ANKRD55: variants seen among roughly 807,000 people sequenced by gnomAD.
The protein encoded by ANKRD55 is ankyrin repeat domain-containing protein 55.
A neutral mutation model predicts 60.6 loss-of-function variants in ANKRD55; 41 were observed. The observed-to-expected ratio is 0.68, with a 90% CI of 0.53 to 0.88. The LOEUF is 0.88. ANKRD55 is among the 40% of genes least tolerant of loss of function. The pLI, the probability that ANKRD55 is intolerant of heterozygous loss-of-function variation, is 0.00. For missense variants in ANKRD55, 732 were observed against 767.6 expected (o/e 0.95, Z 0.55); for synonymous variants, 264 against 290.3 (o/e 0.91, Z 0.92).
intron 2 of ANKRD55, among the ~76,000 whole-genome samples, chr5:56,186,445 G>C (rs967722817): frequency 2.0e-5 from 3 of 152,146 alleles, no homozygotes; most frequent in Non-Finnish European, 4.4e-5. Context: ...GTAAGCCACT[G>C]TTCCTGGCCA....
chr5:56,159,977 A>G, intron 5 of ANKRD55, 84 bp from the exon 6 acceptor site: 1 of 1,190,072 alleles, frequency 8.4e-7, no homozygotes, highest in Admixed American at 1.9e-5. Context: ...ATGACCTTAG[A>G]AAAACCGTCA....
At chr5:56,128,930 A>G (rs1177978673) in intron 7 of ANKRD55, among the ~76,000 whole-genome samples, 1 of 152,238 alleles carries the variant, frequency 6.6e-6, no homozygotes, top group Admixed American at 6.5e-5. Context: ...AACTAAAGTG[A>G]AAACTGTTTA....
At chr5:56,218,638 A>G (rs1188727409) in intron 2 of ANKRD55, among the ~76,000 whole-genome samples, 1 of 152,262 alleles carries the variant, frequency 6.6e-6, no homozygotes, top group Non-Finnish European at 1.5e-5. Flanking sequence ...TGGGAAACCA[A>G]AACTTTGTGT....
intron 6 of ANKRD55, among the ~76,000 whole-genome samples, chr5:56,155,825 G>A (rs1332570848): frequency 7.0e-6 from 1 of 143,682 alleles, no homozygotes; most frequent in Non-Finnish European, 1.5e-5. Flanking sequence ...ACTGTAGCCT[G>A]GGCCACAGAA....
intron 3 of ANKRD55, among the ~76,000 whole-genome samples, chr5:56,179,598 T>A (rs1353906821): frequency 6.6e-6 from 1 of 152,186 alleles, no homozygotes; most frequent in East Asian, 1.9e-4. Flanking sequence ...AGCCTCAGCA[T>A]CTTGCGTCCT....
At chr5:56,142,611 T>C (rs1034934333) in intron 7 of ANKRD55, among the ~76,000 whole-genome samples, 4 of 152,188 alleles carry the variant, frequency 2.6e-5, no homozygotes, top group African/African-American at 9.7e-5. Context: ...AGAAAGTGCC[T>C]GCTTCTGGTG....
At chr5:56,169,867 A>C (rs1009410145) in intron 5 of ANKRD55, among the ~76,000 whole-genome samples, 1 of 152,190 alleles carries the variant, frequency 6.6e-6, no homozygotes, top group African/African-American at 2.4e-5. Flanking sequence ...AGGGTCCACC[A>C]TGTTACTGAT....
Position 56,099,993 on chromosome 5 carries a change from C to T in ANKRD55, c.*190G>A. Reference sequence around the variant, plus strand: ...CAGAAATTCACAGACTTAATATGCACACCCAAATATTCTAAGTGCTTATTT... The same window carrying T: ...CAGAAATTCACAGACTTAATATGCATACCCAAATATTCTAAGTGCTTATTT... On this transcript the variant is annotated 3_prime_UTR_variant, in exon 12 of 12. Transcript: ENST00000341048. The T allele has an allele frequency of 2.9e-6, 2 of 695,438 alleles. No homozygotes were observed. Among genetic ancestry groups the T allele is most frequent in the East Asian group, 2.8e-5 (1 of 36,206 alleles). The allele number at this position is 695,438 out of a possible 1,614,324, so 43.1% of individuals were successfully genotyped here. A position where few individuals can be genotyped will look rare whatever the true frequency, so the allele number is the denominator to read the frequency against.
intron 10 of ANKRD55, among the ~76,000 whole-genome samples, chr5:56,109,561 G>A (rs1468378906): frequency 1.3e-5 from 2 of 150,782 alleles, no homozygotes; most frequent in Non-Finnish European, 3.0e-5. Flanking sequence ...TGTAGAGATG[G>A]GGATCCTGCT....
chr5:56,224,064 C>G (rs1760042270), intron 2 of ANKRD55, among the ~76,000 whole-genome samples: 2 of 152,132 alleles, frequency 1.3e-5, no homozygotes, highest in South Asian at 4.1e-4. Flanking sequence ...GCACTTATTC[C>G]AAAATTGACC....
chr5:56,217,808 A>G (rs935814085), intron 2 of ANKRD55, among the ~76,000 whole-genome samples: 1 of 151,982 alleles, frequency 6.6e-6, no homozygotes, highest in African/African-American at 2.4e-5. Flanking sequence ...AGGCAGGAGA[A>G]TGGCATGAAC....
At chr5:56,232,716 G>A in intron 2 of ANKRD55, 140 bp downstream of exon 2, 2 of 752,642 alleles carry the variant, frequency 2.7e-6, no homozygotes, top group South Asian at 3.6e-5. Context: ...ATCCTACATA[G>A]CAAATACTCA....
chr5:56,137,058 C>A (rs574998056), intron 7 of ANKRD55: 2 of 807,732 alleles, frequency 2.5e-6, no homozygotes, highest in African/African-American at 1.7e-5. Flanking sequence ...GTTCACTTTA[C>A]GAACACTTGT....
intron 2 of ANKRD55, among the ~76,000 whole-genome samples, chr5:56,224,369 C>A (rs1305555404): frequency 3.3e-5 from 5 of 152,082 alleles, no homozygotes; most frequent in African/African-American, 1.2e-4. Context: ...GCACTAAATG[C>A]CCACAACAGA....
intron 4 of ANKRD55, among the ~76,000 whole-genome samples, chr5:56,175,648 G>C (rs911470973): frequency 1.3e-5 from 2 of 151,968 alleles, no homozygotes; most frequent in East Asian, 3.9e-4. Context: ...TCTGCTTGGC[G>C]TTGTCCCTTT....
chr5:56,221,479 G>A (rs960257606), intron 2 of ANKRD55, among the ~76,000 whole-genome samples: 9 of 152,164 alleles, frequency 5.9e-5, no homozygotes, highest in African/African-American at 2.2e-4. Flanking sequence ...ATCTCACTGG[G>A]GCTTGTCAGA....
At chr5:56,187,600 T>C (rs913705999) in intron 2 of ANKRD55, among the ~76,000 whole-genome samples, 1 of 152,238 alleles carries the variant, frequency 6.6e-6, no homozygotes, top group Non-Finnish European at 1.5e-5. Flanking sequence ...TCCCTCTGGA[T>C]CCAGCAGGGT....
chr5:56,106,681 C>T (rs888602314), intron 10 of ANKRD55, among the ~76,000 whole-genome samples: 4 of 152,066 alleles, frequency 2.6e-5, no homozygotes, highest in Non-Finnish European at 5.9e-5. Context: ...ATCCGCCTAC[C>T]TTGGCCTCCC....
intron 3 of ANKRD55, among the ~76,000 whole-genome samples, chr5:56,178,741 G>C (rs1022376753): frequency 6.9e-6 from 1 of 144,072 alleles, no homozygotes; most frequent in Admixed American, 6.9e-5. Context: ...AAGATACTAT[G>C]TTTATGAAGG....
Sources: gnomAD v4.1 joint callset for allele counts (sites outside exome capture counted in the v4.1 genomes callset) on GRCh38, gnomAD v4.1.1 for gene constraint, MANE v1.5 for transcripts, NCBI Gene and HGNC (gene_info 2026-07-23, HGNC 2026-07-21) for gene names.